Variants in HMCN1 observed in about 807,000 individuals in gnomAD.
HMCN1 encodes hemicentin-1.
Under a neutral mutation model 625.9 loss-of-function variants are expected in HMCN1, and 321 were observed. The observed-to-expected ratio is 0.51, with a 90% confidence interval of 0.47 to 0.56. HMCN1 has a LOEUF of 0.56. Ranked by LOEUF, HMCN1 falls within the 20% of genes least tolerant of loss-of-function variation. HMCN1 has a pLI of 0.00. For synonymous variants in HMCN1, 2,425 were observed against 2,417.6 expected (o/e 1.00, Z -0.09); for missense variants, 6,588 against 6,887.3 (o/e 0.96, Z 1.54).
chr1:186,187,212 T>A (rs1330544379), intron 105 of HMCN1, among the ~76,000 whole-genome samples: 1 of 104,974 alleles, frequency 9.5e-6, no homozygotes, highest in Non-Finnish European at 1.9e-5. Context: ...ACCATTAGCC[T>A]AAGGAGAGCA....
intron 9 of HMCN1, among the ~76,000 whole-genome samples, chr1:185,925,934 C>T (rs1667253912): frequency 6.6e-6 from 1 of 152,166 alleles, no homozygotes; most frequent in East Asian, 1.9e-4. Flanking sequence ...GAGGCATGGT[C>T]TGTGCTGCAG....
rs186938421 is a variant in HMCN1 at position 185,735,409 on chromosome 1, T to C, written c.268+362T>C. 1.6e-3 allele frequency among the ~76,000 whole-genome samples: 246 copies of C among 152,340 alleles called. 2 individuals carry two copies. Among genetic ancestry groups the C allele is most frequent in the Admixed American group, 0.016 (243 of 15,314 alleles). On this transcript the variant is annotated intron_variant, in intron 1 of 106. Coordinates refer to ENST00000271588, the MANE Select transcript of HMCN1 (RefSeq NM_031935.3). ...ACGAAGGCAGACTTGGACACGAATT[T>C]ATAGCAGCGAAGCTCTAGGGGCTAA...
chr1:186,164,465 G>A (rs1306994135), intron 97 of HMCN1, among the ~76,000 whole-genome samples: 3 of 151,946 alleles, frequency 2.0e-5, no homozygotes, highest in Admixed American at 6.6e-5. Flanking sequence ...GGATGGTCTC[G>A]ATCTCCTGAC....
intron 49 of HMCN1, among the ~76,000 whole-genome samples, chr1:186,066,688 G>C (rs1406561818): frequency 6.6e-6 from 1 of 152,104 alleles, no homozygotes; most frequent in Non-Finnish European, 1.5e-5. Context: ...CAATTTTAAT[G>C]TTTTGTACAT....
chr1:185,902,713 C>T (rs988402015), intron 4 of HMCN1, among the ~76,000 whole-genome samples: 6 of 151,406 alleles, frequency 4.0e-5, no homozygotes, highest in Admixed American at 1.3e-4. Context: ...TTTTGTTACT[C>T]GTAGCCTAAG....
At position 185,923,560 on chromosome 1, in the gene HMCN1, A is replaced by G. The variant is rs1319018998; in HGVS notation, c.1192A>G (p.Asn398Asp). ...IWNISDFVPP[N>D]EAFFLKVTGY... Reference sequence around the variant, plus strand: ...GAATATTTCTGACTTTGTACCACCAAATGAAGCTTTCTTTCTCAAAGTAAC... The same window carrying G: ...GAATATTTCTGACTTTGTACCACCAGATGAAGCTTTCTTTCTCAAAGTAAC... The change falls in exon 8 of 107, where the codon AAT (asparagine) becomes GAT (aspartate). Residue 398 changes from asparagine to aspartate, a missense_variant. Physicochemically the swap from Asn to Asp is conservative, Grantham distance 23 (BLOSUM62 1). Transcript: ENST00000271588. 4 of 1,611,294 alleles carry G rather than the reference A, an allele frequency of 2.5e-6. No homozygotes were observed. Among genetic ancestry groups the G allele is most frequent in the Non-Finnish European group, 3.4e-6 (4 of 1,178,216 alleles).
At chr1:186,032,718 G>A (rs1479320746) in intron 36 of HMCN1, among the ~76,000 whole-genome samples, 1 of 149,640 alleles carries the variant, frequency 6.7e-6, no homozygotes, top group Non-Finnish European at 1.5e-5. Flanking sequence ...GCATGAGAAC[G>A]AACTAACACA....
chr1:186,095,976 C>T (rs981870834), intron 68 of HMCN1, among the ~76,000 whole-genome samples: 3 of 152,052 alleles, frequency 2.0e-5, no homozygotes, highest in East Asian at 1.9e-4. Flanking sequence ...AAAGTAAATA[C>T]TTAAAATATG....
chr1:185,843,021 T>G (rs1661581026), intron 1 of HMCN1, among the ~76,000 whole-genome samples: 1 of 152,234 alleles, frequency 6.6e-6, no homozygotes, highest in African/African-American at 2.4e-5. Context: ...CAAGTTTTCT[T>G]GTCTGTAGGA....
At chr1:185,934,561 G>C (rs769428714) in intron 11 of HMCN1, among the ~76,000 whole-genome samples, 2 of 152,086 alleles carry the variant, frequency 1.3e-5, no homozygotes, top group Non-Finnish European at 2.9e-5. Flanking sequence ...AAACATATTT[G>C]GCTTCTAAAA....
intron 1 of HMCN1, among the ~76,000 whole-genome samples, chr1:185,844,415 C>A (rs529622206): frequency 6.6e-6 from 1 of 152,264 alleles, no homozygotes; most frequent in Admixed American, 6.5e-5. Context: ...TTATGGCAGA[C>A]AAATTGTACC....
intron 4 of HMCN1, among the ~76,000 whole-genome samples, chr1:185,890,394 T>C (rs1216179584): frequency 6.8e-6 from 1 of 147,598 alleles, no homozygotes; most frequent in Non-Finnish European, 1.5e-5. Context: ...TTCTTTTAGT[T>C]GTGATGTTAG....
chr1:186,054,863 A>G (rs1267408143), intron 44 of HMCN1, among the ~76,000 whole-genome samples: 2 of 151,918 alleles, frequency 1.3e-5, no homozygotes, highest in Non-Finnish European at 2.9e-5. Context: ...TTTTATTAGG[A>G]GAGCAAAAAA....
chr1:185,919,091 A>ATATATATATATATATATATATATATAT (rs1158040512), intron 6 of HMCN1, among the ~76,000 whole-genome samples: 1 of 150,212 alleles, frequency 6.7e-6, no homozygotes, highest in African/African-American at 2.5e-5. Context: ...ATATATATAT[A>ATATATATATATATATATATATATATAT]ATTTTATTAC....
chr1:185,833,877 T>C (rs1382521677), intron 1 of HMCN1, among the ~76,000 whole-genome samples: 3 of 152,226 alleles, frequency 2.0e-5, no homozygotes, highest in African/African-American at 7.2e-5. Flanking sequence ...TGTTAGCCTC[T>C]TCTAAAGTTG....
chr1:186,061,867 G>C lies in HMCN1; in HGVS notation c.7329G>C (p.Arg2443=). The change falls in exon 47 of 107, where the codon CGG becomes CGC. Residue 2443 remains arginine, a synonymous_variant. Transcript: ENST00000271588. ...CTTCTGCAGGAGGCAGGATGCTACG[G>C]CTGATGCAGACCACAATGGAAGATG... The part of the protein sequence containing the change: ...VRILSGGRML[R]LMQTTMEDAG... 1 of 1,611,806 alleles carries C rather than the reference G, an allele frequency of 6.2e-7. No individual in the cohort carries two copies. Among genetic ancestry groups the C allele is most frequent in the South Asian group, 1.1e-5 (1 of 91,002 alleles).
At chr1:185,794,330 C>T (rs1321617151) in intron 1 of HMCN1, among the ~76,000 whole-genome samples, 3 of 145,610 alleles carry the variant, frequency 2.1e-5, no homozygotes, top group Non-Finnish European at 4.4e-5. Context: ...AGGGACAGAA[C>T]TAAGAGGATA....
At chr1:186,040,735 G>T (rs1315398724) in intron 39 of HMCN1, among the ~76,000 whole-genome samples, 1 of 152,110 alleles carries the variant, frequency 6.6e-6, no homozygotes, top group Non-Finnish European at 1.5e-5. Context: ...GTCTGTCTTT[G>T]TAGTGAGTAT....
chr1:185,981,243 G>A (rs562342233), intron 17 of HMCN1, among the ~76,000 whole-genome samples, 170 bp downstream of exon 17: 1 of 151,744 alleles, frequency 6.6e-6, no homozygotes, highest in South Asian at 2.1e-4. Flanking sequence ...TGTTAGTCCT[G>A]GAAATAACCT....
Sources: gnomAD v4.1 joint callset for allele counts (sites outside exome capture counted in the v4.1 genomes callset) on GRCh38, gnomAD v4.1.1 for gene constraint, MANE v1.5 for transcripts, NCBI Gene and HGNC (gene_info 2026-07-23, HGNC 2026-07-21) for gene names.